SLC9A2: variants seen among roughly 807,000 people sequenced by gnomAD.
SLC9A2 encodes the protein sodium/hydrogen exchanger 2.
In SLC9A2, 42 loss-of-function variants were observed where a neutral mutation model predicts 71.7. The observed-to-expected ratio is 0.59, with a 90% CI of 0.46 to 0.76. The LOEUF is 0.76. SLC9A2 is among the 30% of genes least tolerant of loss of function. The pLI, the probability that SLC9A2 is intolerant of heterozygous loss-of-function variation, is 0.00. For missense variants in SLC9A2, 829 were observed against 1,017.4 expected (o/e 0.81, Z 2.52); for synonymous variants, 396 against 392.5 (o/e 1.01, Z -0.10).
chr2:102,702,650 C>A lies in SLC9A2; in HGVS notation c.1845+148C>A, dbSNP rs1211950230. ...CTTCTCTCCTTCTGCTTCTCTCCATCCCTCTTCAGGGTCCTACTATCCTCC... is the reference window on the plus strand; with the variant it reads ...CTTCTCTCCTTCTGCTTCTCTCCATACCTCTTCAGGGTCCTACTATCCTCC... On this transcript the variant is annotated intron_variant, in intron 9 of 11. Transcript: ENST00000233969. 4 of 591,084 alleles carry A rather than the reference C, an allele frequency of 6.8e-6. No individual in the cohort carries two copies. The East Asian group carries it at 9.1e-5, about 14-fold the overall frequency. The allele number at this position is 591,084 out of a possible 1,614,324, so 36.6% of individuals were successfully genotyped here. A position where few individuals can be genotyped will look rare whatever the true frequency, so the allele number is the denominator to read the frequency against.
At chr2:102,678,839 G>T (rs1677392731) in intron 3 of SLC9A2, among the ~76,000 whole-genome samples, 1 of 152,200 alleles carries the variant, frequency 6.6e-6, no homozygotes, top group African/African-American at 2.4e-5. Context: ...TGACCTGGCG[G>T]AGTGGGCAGA....
rs1678039880 is a variant in SLC9A2, at chr2:102,708,826, TA to T, written c.*338del. ...CTTCTTGGTGAAGATTTTAATATAT[TA>T]CTTATATGCTTCAAATTTTATTTAT... On this transcript the variant is annotated 3_prime_UTR_variant, in exon 12 of 12. Transcript: ENST00000233969. 1 of 241,160 alleles carries T rather than the reference TA, an allele frequency of 4.1e-6. No homozygotes were observed. The highest frequency in any genetic ancestry group is 2.3e-5 in the African/African-American group (1 of 43,860). The allele number at this position is 241,160 out of a possible 1,614,324, so 14.9% of individuals were successfully genotyped here.
chr2:102,628,720 A>G (rs1237010612), intron 1 of SLC9A2, among the ~76,000 whole-genome samples: 2 of 151,892 alleles, frequency 1.3e-5, no homozygotes, highest in Non-Finnish European at 1.5e-5. Flanking sequence ...TTTTGTTGTC[A>G]TTGTCAGTTT....
chr2:102,706,222 G>A (rs373231478), intron 11 of SLC9A2, among the ~76,000 whole-genome samples: 1 of 52,902 alleles, frequency 1.9e-5, no homozygotes, highest in South Asian at 6.4e-4. Context: ...GGGAGGCTGA[G>A]GCAGGAGAAT....
chr2:102,626,186 A>G (rs867652065), intron 1 of SLC9A2, among the ~76,000 whole-genome samples: 1 of 152,258 alleles, frequency 6.6e-6, no homozygotes, highest in South Asian at 2.1e-4. Context: ...GCAAGGCTAC[A>G]GTAACCAAAA....
At chr2:102,678,302 A>G (rs1677380053) in intron 3 of SLC9A2, among the ~76,000 whole-genome samples, 1 of 149,112 alleles carries the variant, frequency 6.7e-6, no homozygotes, top group Admixed American at 6.8e-5. Flanking sequence ...TGCACTTCAC[A>G]ATCACATTAA....
intron 7 of SLC9A2, among the ~76,000 whole-genome samples, chr2:102,697,713 T>A (rs2310318): frequency 0.79 from 115,767 of 147,176 alleles, 45,643 homozygotes; most frequent in Non-Finnish European, 0.81. Context: ...GACACAAGAC[T>A]TCTTAAAACT....
chr2:102,627,331 A>G (rs6650792), intron 1 of SLC9A2, among the ~76,000 whole-genome samples: 14,219 of 152,082 alleles, frequency 0.093, 1,754 homozygotes, highest in African/African-American at 0.28. Flanking sequence ...TAGAAACAAA[A>G]AAAACAAACT....
chr2:102,685,421 C>T (rs113522687), intron 5 of SLC9A2, among the ~76,000 whole-genome samples: 9 of 152,318 alleles, frequency 5.9e-5, no homozygotes, highest in Non-Finnish European at 7.3e-5. Context: ...TATGTTCTCA[C>T]GTCCTTTGTA....
chr2:102,671,138 C>T (rs1423291439), intron 3 of SLC9A2, among the ~76,000 whole-genome samples: 1 of 152,172 alleles, frequency 6.6e-6, no homozygotes, highest in East Asian at 1.9e-4. Flanking sequence ...TAAAGAAGAG[C>T]AGGAAGAGAG....
intron 1 of SLC9A2, 101 bp downstream of exon 1, chr2:102,620,238 C>T: frequency 1.0e-6 from 1 of 994,864 alleles, no homozygotes; most frequent in South Asian, 1.7e-5. Flanking sequence ...GTGACCGCCT[C>T]ATCTTGAATC....
chr2:102,663,713 C>T (rs146760911), intron 2 of SLC9A2, among the ~76,000 whole-genome samples: 15 of 152,208 alleles, frequency 9.9e-5, no homozygotes, highest in Admixed American at 7.9e-4. Flanking sequence ...GTAGCACAGC[C>T]TTTCTCCCTA....
chr2:102,634,192 A>G (rs1042240127), intron 1 of SLC9A2, among the ~76,000 whole-genome samples: 2 of 152,214 alleles, frequency 1.3e-5, no homozygotes, highest in Non-Finnish European at 2.9e-5. Context: ...ATTTGTTACT[A>G]ATGACCTGTC....
chr2:102,702,446 GA>G lies in SLC9A2; in HGVS notation c.1792del (p.Thr598LeufsTer27). 6.2e-7 allele frequency: 1 copy of G among 1,603,838 alleles called. No individual in the cohort carries two copies. Among genetic ancestry groups the G allele is most frequent in the Non-Finnish European group, 8.5e-7 (1 of 1,176,076 alleles). On this transcript the variant is annotated frameshift_variant, in exon 9 of 12. Transcript: ENST00000233969. LOFTEE classifies it high-confidence loss of function. Reference sequence around the variant, plus strand: ...AAAAATAAGGAAGGTCACGTCCAGTGAAACTGATGAAATTCGAGAACTCTTA... The same window carrying G: ...AAAAATAAGGAAGGTCACGTCCAGTGAACTGATGAAATTCGAGAACTCTTA... The part of the protein sequence containing the change: ...EEKIRKVTSS[E>X]TDEIRELLSR...
intron 1 of SLC9A2, 24 bp downstream of exon 1, chr2:102,620,161 A>G: frequency 6.3e-7 from 1 of 1,577,612 alleles, no homozygotes; most frequent in Non-Finnish European, 8.7e-7. Flanking sequence ...ACTTGTGGGG[A>G]ATGGGAGGGG....
intron 3 of SLC9A2, among the ~76,000 whole-genome samples, chr2:102,677,266 G>T (rs1213004717): frequency 1.3e-5 from 2 of 150,260 alleles, no homozygotes; most frequent in Non-Finnish European, 2.9e-5. Context: ...AAGTAGAAAG[G>T]AAAGTCTATT....
At chr2:102,689,135 C>T (rs1051283296) in intron 5 of SLC9A2, among the ~76,000 whole-genome samples, 3 of 152,318 alleles carry the variant, frequency 2.0e-5, no homozygotes, top group Non-Finnish European at 4.4e-5. Context: ...AGAGCTGTAG[C>T]CACAGCCTTG....
chr2:102,692,326 T>C (rs1263863559), intron 5 of SLC9A2, among the ~76,000 whole-genome samples: 1 of 152,226 alleles, frequency 6.6e-6, no homozygotes, highest in East Asian at 1.9e-4. Flanking sequence ...TCACCTCCTT[T>C]AAAAAAATGG....
chr2:102,647,225 C>G (rs1219935667), intron 1 of SLC9A2, among the ~76,000 whole-genome samples: 2 of 152,082 alleles, frequency 1.3e-5, no homozygotes, highest in Non-Finnish European at 2.9e-5. Context: ...GTGTAAAAAA[C>G]TGAACAACTT....
Sources: gnomAD v4.1 joint callset for allele counts (sites outside exome capture counted in the v4.1 genomes callset) on GRCh38, gnomAD v4.1.1 for gene constraint, MANE v1.5 for transcripts, NCBI Gene and HGNC (gene_info 2026-07-23, HGNC 2026-07-21) for gene names.